KDM2B: variants seen among roughly 807,000 people sequenced by gnomAD.
The protein encoded by KDM2B is lysine-specific demethylase 2B.
A neutral mutation model predicts 150.0 loss-of-function variants in KDM2B; 26 were observed. The ratio of observed to expected loss-of-function variants is 0.17; its 90% CI spans 0.13 to 0.24. The LOEUF (loss-of-function observed/expected upper bound fraction) is 0.24, where lower values mean the gene tolerates loss of function less well. Among genes scored for constraint, KDM2B ranks in the 10% least tolerant of loss-of-function variants. KDM2B has a pLI of 1.00. For synonymous variants in KDM2B, 734 were observed against 729.5 expected, an observed-to-expected ratio of 1.01 and a Z score of -0.10; for missense variants, 1,265 against 1,816.9, an observed-to-expected ratio of 0.70 and a Z score of 5.52.
chr12:121,516,786 T>C lies in KDM2B; in HGVS notation c.1048-3384A>G. ...CAACAAAAGGTTTCTCGAGTGTATC[T>C]AGAACTCCCAGGTCTCAAGGACTTG... On this transcript the variant is annotated intron_variant, in intron 9 of 22. Coordinates refer to ENST00000377071, the MANE Select transcript of KDM2B (RefSeq NM_032590.5). The C allele has an allele frequency of 4.5e-6, 3 of 663,818 alleles. No homozygotes were observed. The Middle Eastern group carries it at 7.2e-4, about 159-fold the overall frequency. The allele number at this position is 663,818 out of a possible 1,614,324, so 41.1% of individuals were successfully genotyped here. A position where few individuals can be genotyped will look rare whatever the true frequency, so the allele number is the denominator to read the frequency against.
the KDM2B span, among the ~76,000 whole-genome samples, chr12:121,413,702 C>T: frequency 0.012 from 1,881 of 151,790 alleles, 46 homozygotes; most frequent in African/African-American, 0.043. Context: ...CTCAGCCTCC[C>T]GAGTAGCTGG....
intron 10 of KDM2B, among the ~76,000 whole-genome samples, chr12:121,512,007 G>A (rs782087231): frequency 6.6e-6 from 1 of 152,142 alleles, no homozygotes; most frequent in Non-Finnish European, 1.5e-5. Context: ...CTGTGCCTGC[G>A]AATGGAATAT....
chr12:121,500,742 T>TC (rs1884461020), intron 11 of KDM2B, among the ~76,000 whole-genome samples: 1 of 152,136 alleles, frequency 6.6e-6, no homozygotes, highest in Non-Finnish European at 1.5e-5. Context: ...TCAAGTACCC[T>TC]CCCTCCATCC....
intron 12 of KDM2B, among the ~76,000 whole-genome samples, chr12:121,454,582 A>T (rs1485526911): frequency 6.6e-6 from 1 of 152,190 alleles, no homozygotes; most frequent in East Asian, 1.9e-4. Flanking sequence ...GGGAGGGACC[A>T]GGATGGGAGA....
chr12:121,501,921 G>A (rs1241441367), intron 11 of KDM2B, among the ~76,000 whole-genome samples: 3 of 152,062 alleles, frequency 2.0e-5, no homozygotes, highest in Non-Finnish European at 2.9e-5. Context: ...GTGCCTAGCC[G>A]AGAGTGTGAT....
chr12:121,457,739 TACACACACACACAC>T lies in KDM2B; in HGVS notation c.1735-4409_1735-4396del, dbSNP rs138823282. Among the ~76,000 whole-genome samples, 870 of 145,094 alleles carry T rather than the reference TACACACACACACAC, an allele frequency of 6.0e-3. 6 individuals carry two copies. The highest frequency in any genetic ancestry group is 0.038 in the Middle Eastern group (11 of 286). On this transcript the variant is annotated intron_variant, in intron 12 of 22. Coordinates refer to ENST00000377071, the MANE Select transcript of KDM2B (RefSeq NM_032590.5). ...TGAAAGGTTAGGAAGATCGGAAACA[TACACACACACACAC>T]ACACACACACACACACACACACAAA...
intron 12 of KDM2B, among the ~76,000 whole-genome samples, chr12:121,478,549 C>T (rs1257970800): frequency 2.6e-5 from 4 of 151,514 alleles, no homozygotes; most frequent in African/African-American, 9.7e-5. Flanking sequence ...TTAGTAGAGA[C>T]GGGGTTTCAC....
At chr12:121,479,265 A>C (rs191857384) in intron 12 of KDM2B, among the ~76,000 whole-genome samples, 17 of 151,710 alleles carry the variant, frequency 1.1e-4, no homozygotes, top group East Asian at 3.9e-4. Context: ...CTGGCTAACA[A>C]GGTGAAACCC....
At chr12:121,524,852 G>C (rs1454744114) in intron 8 of KDM2B, 3 of 281,262 alleles carry the variant, frequency 1.1e-5, no homozygotes, top group African/African-American at 6.7e-5. Context: ...TGCAGTCATA[G>C]ATGGGAAGCC....
chr12:121,581,805 C>T (rs1555318130), upstream of KDM2B, among the ~76,000 whole-genome samples: 1 of 152,150 alleles, frequency 6.6e-6, no homozygotes, highest in African/African-American at 2.4e-5. Flanking sequence ...GTGGGGAGGA[C>T]GTGGCTTCCC....
Position 121,518,493 on chromosome 12 carries a change from C to T in KDM2B, c.1047+2492G>A, listed in dbSNP as rs80051315. On this transcript the variant is annotated intron_variant, in intron 9 of 22. Coordinates refer to ENST00000377071, the MANE Select transcript of KDM2B (RefSeq NM_032590.5). The surrounding 1 kb of genome is among the most constrained non-coding windows in gnomAD (Gnocchi z 4.4). ...GGTGAAACCAGATGGGGTGCCCACTCAGGGGAAGGGACAGTAGGCCCCGGT... is the reference window on the plus strand; with the variant it reads ...GGTGAAACCAGATGGGGTGCCCACTTAGGGGAAGGGACAGTAGGCCCCGGT... Among the ~76,000 whole-genome samples the T allele has an allele frequency of 0.014, 2,153 of 152,290 alleles. 45 individuals are homozygous for T. Among genetic ancestry groups the T allele is most frequent in the African/African-American group, 0.05 (2,060 of 41,564 alleles).
At chr12:121,438,454 G>T (rs10444489) in intron 22 of KDM2B, among the ~76,000 whole-genome samples, 52,244 of 151,986 alleles carry the variant, frequency 0.34, 9,703 homozygotes, top group East Asian at 0.44. Flanking sequence ...ATGAAGAGAT[G>T]TAATAAAATG....
chr12:121,444,399 C>A, intron 15 of KDM2B, 51 bp downstream of exon 15: 1 of 1,608,502 alleles, frequency 6.2e-7, no homozygotes, highest in Non-Finnish European at 8.5e-7. Flanking sequence ...CGGCCAGGCC[C>A]AGGCCCGCCC....
intron 4 of KDM2B, among the ~76,000 whole-genome samples, chr12:121,569,080 G>A (rs1424620821): frequency 4.6e-5 from 7 of 152,180 alleles, no homozygotes; most frequent in African/African-American, 9.7e-5. Context: ...CACAGGCTGC[G>A]ACCCCGCAAT....
At chr12:121,416,075 C>T in the KDM2B span, 1 of 1,093,380 alleles carries the variant, frequency 9.1e-7, no homozygotes, top group East Asian at 2.4e-5. Context: ...GCAAACTTAC[C>T]TCTCCAGAAT....
At chr12:121,439,428 T>G (rs1375412473) in intron 22 of KDM2B, among the ~76,000 whole-genome samples, 1 of 147,078 alleles carries the variant, frequency 6.8e-6, no homozygotes, top group Non-Finnish European at 1.5e-5. Flanking sequence ...TCACATAGGC[T>G]GGAGTGCAGT....
the KDM2B span, among the ~76,000 whole-genome samples, chr12:121,421,672 T>C: frequency 1.6e-4 from 24 of 152,186 alleles, no homozygotes; most frequent in African/African-American, 5.3e-4. Context: ...GTTGTATTTA[T>C]TTTTTTCTTT....
intron 2 of KDM2B, among the ~76,000 whole-genome samples, chr12:121,577,215 C>T (rs1244757040): frequency 6.6e-6 from 1 of 152,190 alleles, no homozygotes; most frequent in East Asian, 1.9e-4. Flanking sequence ...CTAGACCCAC[C>T]CACCCTAGGC....
At chr12:121,524,230 G>A (rs1472847834) in intron 8 of KDM2B, among the ~76,000 whole-genome samples, 1 of 152,162 alleles carries the variant, frequency 6.6e-6, no homozygotes, top group African/African-American at 2.4e-5. Context: ...GGAACTTGGT[G>A]AGCAAGTCCT....
Sources: allele counts gnomAD v4.1 joint callset (sites outside exome capture counted in the v4.1 genomes callset), GRCh38; gene constraint gnomAD v4.1.1; non-coding constraint Gnocchi (gnomAD v3.1); transcripts MANE v1.5; gene names NCBI Gene and HGNC (gene_info 2026-07-23, HGNC 2026-07-21).